FHIT: variants seen among roughly 807,000 people sequenced by gnomAD.
FHIT encodes the protein bis(5'-adenosyl)-triphosphatase.
FHIT carries 19 observed loss-of-function variants against 17.9 expected under a neutral mutation model. The observed-to-expected ratio is 1.06, with a 90% CI of 0.74 to 1.56. The LOEUF (loss-of-function observed/expected upper bound fraction) is 1.56, where lower values mean the gene tolerates loss of function less well. Among genes scored for constraint, FHIT ranks in the 40% most tolerant of loss-of-function variants. The pLI is 0.00. For missense variants in FHIT, 248 were observed against 189.2 expected, an observed-to-expected ratio of 1.31 and a Z score of -1.82; for synonymous variants, 81 against 69.7, an observed-to-expected ratio of 1.16 and a Z score of -0.81.
At chr3:61,016,924 G>A (rs1290852112) in intron 3 of FHIT, among the ~76,000 whole-genome samples, 1 of 152,220 alleles carries the variant, frequency 6.6e-6, no homozygotes, top group Non-Finnish European at 1.5e-5. Flanking sequence ...AAGATGACCT[G>A]TATACTTGCA....
At chr3:60,542,470 C>T (rs1451829240) in intron 4 of FHIT, among the ~76,000 whole-genome samples, 1 of 152,148 alleles carries the variant, frequency 6.6e-6, no homozygotes, top group Non-Finnish European at 1.5e-5. Context: ...TTCCTGCTTT[C>T]CAAGTTTTTA....
chr3:60,556,191 C>G (rs1319471648), intron 4 of FHIT, among the ~76,000 whole-genome samples: 3 of 152,098 alleles, frequency 2.0e-5, no homozygotes, highest in African/African-American at 7.2e-5. Context: ...ACAGACCTTC[C>G]TTGACACTCC....
chr3:59,895,202 A>G (rs115822138), intron 8 of FHIT, among the ~76,000 whole-genome samples: 3,117 of 152,300 alleles, frequency 0.02, 120 homozygotes, highest in African/African-American at 0.071. Flanking sequence ...TAGTGCCAAG[A>G]CTGAGAAATC....
chr3:61,129,903 T>C (rs1166744787), intron 2 of FHIT, among the ~76,000 whole-genome samples: 1 of 152,174 alleles, frequency 6.6e-6, no homozygotes, highest in Non-Finnish European at 1.5e-5. Flanking sequence ...ATTTATATCT[T>C]CACTTTTTCT....
intron 8 of FHIT, among the ~76,000 whole-genome samples, chr3:59,765,799 T>C (rs1701766369): frequency 6.6e-6 from 1 of 152,192 alleles, no homozygotes; most frequent in Non-Finnish European, 1.5e-5. Context: ...GAAACTCTGA[T>C]TAAAATAGAT....
intron 5 of FHIT, among the ~76,000 whole-genome samples, chr3:60,143,397 T>G (rs1277519051): frequency 6.6e-6 from 1 of 152,134 alleles, no homozygotes; most frequent in Non-Finnish European, 1.5e-5. Context: ...TAAGCATTTC[T>G]GCTTGCCTTG....
chr3:60,193,153 C>A (rs781778498), intron 5 of FHIT, among the ~76,000 whole-genome samples: 3 of 152,198 alleles, frequency 2.0e-5, no homozygotes, highest in Non-Finnish European at 4.4e-5. Context: ...AATATGAACA[C>A]TTAGAATGCA....
At chr3:60,079,639 T>C (rs1703190130) in intron 5 of FHIT, among the ~76,000 whole-genome samples, 1 of 152,060 alleles carries the variant, frequency 6.6e-6, no homozygotes, top group Middle Eastern at 3.4e-3. Flanking sequence ...GGCTTTGTTT[T>C]GAAAAAAATA....
intron 7 of FHIT, among the ~76,000 whole-genome samples, chr3:59,949,473 A>G (rs1040375623): frequency 3.9e-5 from 6 of 152,236 alleles, no homozygotes; most frequent in African/African-American, 1.4e-4. Context: ...TTCAGTTACT[A>G]TAAGACTTCA....
intron 3 of FHIT, among the ~76,000 whole-genome samples, chr3:60,990,336 A>G (rs2030073300): frequency 6.6e-6 from 1 of 152,326 alleles, no homozygotes; most frequent in African/African-American, 2.4e-5. Context: ...ATGATAAGAT[A>G]AGGAGCAGCT....
At chr3:60,414,798 T>C (rs1009838005) in intron 5 of FHIT, among the ~76,000 whole-genome samples, 1 of 152,192 alleles carries the variant, frequency 6.6e-6, no homozygotes, top group African/African-American at 2.4e-5. Flanking sequence ...ATGCAATTAT[T>C]GTAAGAATGA....
chr3:60,722,822 A>G (rs534444505), intron 4 of FHIT, among the ~76,000 whole-genome samples: 8 of 149,658 alleles, frequency 5.3e-5, no homozygotes, highest in Non-Finnish European at 1.2e-4. Flanking sequence ...TCCAGGATTC[A>G]AATGATTCTC....
At chr3:61,026,425 A>T (rs902549157) in intron 3 of FHIT, among the ~76,000 whole-genome samples, 4 of 152,210 alleles carry the variant, frequency 2.6e-5, no homozygotes, top group Admixed American at 1.3e-4. Flanking sequence ...AAACAGGATA[A>T]TGCATGTAAA....
intron 5 of FHIT, among the ~76,000 whole-genome samples, chr3:60,323,857 C>A (rs181723387): frequency 6.6e-6 from 1 of 152,136 alleles, no homozygotes; most frequent in Non-Finnish European, 1.5e-5. Context: ...TGGGGCCTGC[C>A]CACGCTTTGT....
intron 2 of FHIT, among the ~76,000 whole-genome samples, chr3:61,130,992 A>G (rs1226846763): frequency 6.6e-6 from 1 of 152,252 alleles, no homozygotes; most frequent in Non-Finnish European, 1.5e-5. Context: ...TTCATAATGT[A>G]TTTTATAAAA....
At chr3:60,394,212 G>C (rs1701345698) in intron 5 of FHIT, among the ~76,000 whole-genome samples, 1 of 152,104 alleles carries the variant, frequency 6.6e-6, no homozygotes, top group African/African-American at 2.4e-5. Context: ...ATTGAAGAGA[G>C]ACTGAGGAGA....
intron 4 of FHIT, among the ~76,000 whole-genome samples, chr3:60,640,434 TGTTCACTTA>T (rs1423741380): frequency 1.3e-5 from 2 of 152,224 alleles, no homozygotes; most frequent in Non-Finnish European, 2.9e-5. Context: ...GCAGAGCAGG[TGTTCACTTA>T]GTGAACAGGA....
At chr3:61,196,113 C>T (rs1386080105) in intron 2 of FHIT, among the ~76,000 whole-genome samples, 3 of 151,764 alleles carry the variant, frequency 2.0e-5, no homozygotes, top group African/African-American at 7.3e-5. Flanking sequence ...AGAGCTATTG[C>T]TAAAATTGAT....
rs370284797 is a variant in FHIT, at chr3:60,132,104, G to A, written c.104-117952C>T. On this transcript the variant is annotated intron_variant, in intron 5 of 9. Coordinates refer to ENST00000492590, the MANE Select transcript of FHIT (RefSeq NM_002012.4). ...GTCGGACCTTCACATCTTTCAGGCT[G>A]AGACAGAACCCTCCTCCAGAGAGCT... Among the ~76,000 whole-genome samples the A allele has an allele frequency of 7.2e-5, 11 of 152,268 alleles. No individual in the cohort carries two copies. The South Asian group carries it at 2.1e-3, about 29-fold the overall frequency.
Sources: allele counts gnomAD v4.1 joint callset (sites outside exome capture counted in the v4.1 genomes callset), GRCh38; gene constraint gnomAD v4.1.1; transcripts MANE v1.5; gene names NCBI Gene and HGNC (gene_info 2026-07-23, HGNC 2026-07-21).